Variants in ADAM19 observed in about 807,000 individuals in gnomAD.
ADAM19 encodes the protein ADAM metallopeptidase domain 19, also known as disintegrin and metalloproteinase domain-containing protein 19.
Under a neutral mutation model 114.7 loss-of-function variants are expected in ADAM19, and 65 were observed. The ratio of observed to expected loss-of-function variants is 0.57; its 90% CI spans 0.46 to 0.70. The LOEUF (loss-of-function observed/expected upper bound fraction) is 0.70, where lower values mean the gene tolerates loss of function less well. Among genes scored for constraint, ADAM19 ranks in the 30% least tolerant of loss-of-function variants. ADAM19 has a pLI of 0.00. For missense variants in ADAM19, 1,063 were observed against 1,204.7 expected (o/e 0.88, Z 1.74); for synonymous variants, 466 against 460.5 (o/e 1.01, Z -0.15).
chr5:157,572,246 C>A (rs771411915), intron 1 of ADAM19: 30 of 455,098 alleles, frequency 6.6e-5, no homozygotes, highest in Non-Finnish European at 1.1e-4. Context: ...CCACCACACC[C>A]GGCTAATTTT....
intron 3 of ADAM19, among the ~76,000 whole-genome samples, chr5:157,553,194 T>G (rs1280978273): frequency 6.6e-6 from 1 of 152,254 alleles, no homozygotes; most frequent in African/African-American, 2.4e-5. Flanking sequence ...TTGGACTGTT[T>G]GCAATGCAAC....
At chr5:157,572,749 C>A (rs1178639955) in intron 1 of ADAM19, among the ~76,000 whole-genome samples, 1 of 152,162 alleles carries the variant, frequency 6.6e-6, no homozygotes, top group South Asian at 2.1e-4. Context: ...CATGGAGGAA[C>A]AAGACAAGCA....
chr5:157,482,434 T>C lies in ADAM19; in HGVS notation c.2551-491A>G, dbSNP rs555050903. Among the ~76,000 whole-genome samples, 4 of 152,374 alleles carry C rather than the reference T, an allele frequency of 2.6e-5. No homozygotes were observed. The East Asian group carries it at 7.7e-4, about 29-fold the overall frequency. Reference sequence around the variant, plus strand: ...CAGATCCCATTTGTCAATTTTGGCTTTTGTTGCCATTGCTTTTGGTGTTTT... The same window carrying C: ...CAGATCCCATTTGTCAATTTTGGCTCTTGTTGCCATTGCTTTTGGTGTTTT... On this transcript the variant is annotated intron_variant, in intron 21 of 22. Transcript: ENST00000257527.
chr5:157,531,464 C>T (rs140484101), intron 4 of ADAM19, among the ~76,000 whole-genome samples: 177 of 152,138 alleles, frequency 1.2e-3, no homozygotes, highest in African/African-American at 4.0e-3. Context: ...GTCAGGAGTT[C>T]CAGACCGCCC....
At chr5:157,550,893 C>A (rs767536858) in intron 3 of ADAM19, among the ~76,000 whole-genome samples, 1 of 152,136 alleles carries the variant, frequency 6.6e-6, no homozygotes, top group Non-Finnish European at 1.5e-5. Flanking sequence ...GTGATTCATA[C>A]CATCATTCTC....
At chr5:157,571,018 C>T in intron 1 of ADAM19, 38 bp from the exon 2 acceptor site, 2 of 1,575,740 alleles carry the variant, frequency 1.3e-6, no homozygotes, top group East Asian at 2.2e-5. Flanking sequence ...GAATCCCAGA[C>T]CTCTATACCC....
At chr5:157,570,521 TTTCTCTCCAAGTACATTA>T (rs1757792786) in intron 2 of ADAM19, 1 of 168,610 alleles carries the variant, frequency 5.9e-6, no homozygotes, top group Non-Finnish European at 1.3e-5. Flanking sequence ...TATTATCTTT[TTTCTCTCCAAGTACATTA>T]TTCCTTCAAG....
Position 157,554,541 on chromosome 5 carries a change from G to A in ADAM19, c.251+9832C>T, listed in dbSNP as rs114163224. Among the ~76,000 whole-genome samples, 1,417 of 152,308 alleles carry A rather than the reference G, an allele frequency of 9.3e-3. 25 individuals carry two copies. Among genetic ancestry groups the A allele is most frequent in the African/African-American group, 0.033 (1,357 of 41,560 alleles). ...GAGAACACTGCAAAGCAGTGTTTTCGAGATACAATTAGGTCAAACTGGGCA... is the reference window on the plus strand; with the variant it reads ...GAGAACACTGCAAAGCAGTGTTTTCAAGATACAATTAGGTCAAACTGGGCA... On this transcript the variant is annotated intron_variant, in intron 3 of 22. Coordinates refer to ENST00000257527, the MANE Select transcript of ADAM19 (RefSeq NM_033274.5).
rs1307546089 is a variant in ADAM19, at chr5:157,551,411, C to CA, written c.251+12961_251+12962insT. 5.4e-3 allele frequency among the ~76,000 whole-genome samples: 393 copies of CA among 73,398 alleles called. 1 individual carries two copies. Among genetic ancestry groups the CA allele is most frequent in the African/African-American group, 0.017 (278 of 16,514 alleles). The allele number at this position is 73,398 out of a possible 152,430, so 48.2% of individuals were successfully genotyped here. A position where few individuals can be genotyped will look rare whatever the true frequency, so the allele number is the denominator to read the frequency against. On this transcript the variant is annotated intron_variant, in intron 3 of 22. Coordinates refer to ENST00000257527, the MANE Select transcript of ADAM19 (RefSeq NM_033274.5). ...AGAGCATGATTCTGTCCCCCCAACC[C>CA]CAAAAAAAAAAAAAAAAAAAGACCA...
chr5:157,540,882 A>C (rs72811330), intron 3 of ADAM19, among the ~76,000 whole-genome samples: 10,381 of 152,244 alleles, frequency 0.068, 461 homozygotes, highest in Middle Eastern at 0.15. Context: ...CTGAATCTAC[A>C]TAAAACAATC....
intron 21 of ADAM19, among the ~76,000 whole-genome samples, chr5:157,485,886 A>G (rs1167027531): frequency 6.6e-6 from 1 of 152,224 alleles, no homozygotes; most frequent in Non-Finnish European, 1.5e-5. Context: ...TTCACAGCAC[A>G]TATCACTGTT....
At chr5:157,488,986 C>A in intron 20 of ADAM19, 116 bp downstream of exon 20, 1 of 753,692 alleles carries the variant, frequency 1.3e-6, no homozygotes, top group East Asian at 2.8e-5. Flanking sequence ...GCTGAGATGG[C>A]GCCACTGTAC....
intron 1 of ADAM19, among the ~76,000 whole-genome samples, chr5:157,574,457 G>C (rs1757916086): frequency 6.6e-6 from 1 of 152,180 alleles, no homozygotes; most frequent in African/African-American, 2.4e-5. Context: ...CCCTTTGGGA[G>C]GACCGCCCGA....
At chr5:157,553,259 A>T (rs62388530) in intron 3 of ADAM19, among the ~76,000 whole-genome samples, 5,994 of 152,290 alleles carry the variant, frequency 0.039, 188 homozygotes, top group South Asian at 0.16. Flanking sequence ...CTTATTTCAC[A>T]TTGCATGTTT....
At chr5:157,512,986 C>A (rs997820677) in intron 8 of ADAM19, among the ~76,000 whole-genome samples, 1 of 152,180 alleles carries the variant, frequency 6.6e-6, no homozygotes. Flanking sequence ...CTGGGCTCTT[C>A]CATGCCCCAA....
chr5:157,495,242 C>A (rs1184386330), intron 14 of ADAM19, among the ~76,000 whole-genome samples: 1 of 151,960 alleles, frequency 6.6e-6, no homozygotes, highest in Non-Finnish European at 1.5e-5. Flanking sequence ...ACCTCATGAT[C>A]CCCCCGCCTC....
intron 3 of ADAM19, among the ~76,000 whole-genome samples, chr5:157,560,281 A>C (rs1211301884): frequency 6.7e-6 from 1 of 149,228 alleles, no homozygotes; most frequent in Non-Finnish European, 1.5e-5. Context: ...AAAAAAAAAA[A>C]AAAAAAAAAA....
At chr5:157,553,876 T>C (rs939822734) in intron 3 of ADAM19, among the ~76,000 whole-genome samples, 45 of 152,224 alleles carry the variant, frequency 3.0e-4, no homozygotes, top group African/African-American at 1.1e-3. Context: ...AATTATAAAA[T>C]AGTATATAAA....
chr5:157,488,796 C>G (rs1252433001), intron 20 of ADAM19, among the ~76,000 whole-genome samples: 1 of 152,092 alleles, frequency 6.6e-6, no homozygotes, highest in Non-Finnish European at 1.5e-5. Flanking sequence ...TTTTGGGAGG[C>G]CGAGGCGGGT....
Sources: allele counts gnomAD v4.1 joint callset (sites outside exome capture counted in the v4.1 genomes callset), GRCh38; gene constraint gnomAD v4.1.1; transcripts MANE v1.5; gene names NCBI Gene and HGNC (gene_info 2026-07-23, HGNC 2026-07-21).